Variants in PKHD1 observed in about 807,000 individuals in gnomAD.
The protein encoded by PKHD1 is PKHD1 ciliary IPT domain containing fibrocystin/polyductin.
In PKHD1, 291 loss-of-function variants were observed where a neutral mutation model predicts 412.0. The observed-to-expected ratio is 0.71, with a 90% CI of 0.64 to 0.78. The LOEUF (loss-of-function observed/expected upper bound fraction) is 0.78. PKHD1 is among the 30% of genes least tolerant of loss of function. PKHD1 has a pLI of 0.00. For synonymous variants in PKHD1, 1,777 were observed against 1,821.5 expected (o/e 0.98, Z 0.62); for missense variants, 4,825 against 4,950.7 (o/e 0.97, Z 0.76).
Position 52,062,556 on chromosome 6 carries a change from G to T in PKHD1, c.1081C>A (p.Pro361Thr). The T allele has an allele frequency of 2.5e-6, 4 of 1,614,092 alleles. No homozygotes were observed. Among genetic ancestry groups the T allele is most frequent in the Non-Finnish European group, 3.4e-6 (4 of 1,179,984 alleles). The change falls in exon 14 of 67, where the codon CCA becomes ACA. Residue 361 changes from proline (P) to threonine (T), a missense_variant. By Grantham distance (38) the Pro-to-Thr change is conservative. Coordinates refer to ENST00000371117, the MANE Select transcript of PKHD1 (RefSeq NM_138694.4). ...RWQIVPNASSPFGFWSQEGQP... is the reference protein window; with the variant it reads ...RWQIVPNASSTFGFWSQEGQP... ...CCTTCCTGTGACCAAAACCCAAATG[G>T]AGAACTGGCATTAGGGACAATCTGC...
intron 36 of PKHD1, among the ~76,000 whole-genome samples, chr6:51,943,923 C>T (rs1455380899): frequency 6.6e-6 from 1 of 151,284 alleles, no homozygotes; most frequent in Non-Finnish European, 1.5e-5. Flanking sequence ...AAATTTTCAC[C>T]ATCCCAACAC....
chr6:51,701,026 C>T lies in PKHD1; in HGVS notation c.10157-41057G>A, dbSNP rs150284825. ...ATTTAGGAAGGATTCACAATAGAAC[C>T]CACCTTATCCTGGCAGCTGAAAATG... On this transcript the variant is annotated intron_variant, in intron 60 of 66. Transcript: ENST00000371117. 9.6e-3 allele frequency among the ~76,000 whole-genome samples: 1,456 copies of T among 152,092 alleles called. 21 individuals carry two copies. The highest frequency in any genetic ancestry group is 0.033 in the African/African-American group (1,372 of 41,516).
At chr6:51,925,843 A>T (rs1387894973) in intron 37 of PKHD1, among the ~76,000 whole-genome samples, 1 of 151,734 alleles carries the variant, frequency 6.6e-6, no homozygotes, top group East Asian at 1.9e-4. Flanking sequence ...TCTCTCTCTC[A>T]AATGGCTTAT....
At chr6:51,640,762 G>A (rs549444361) in intron 63 of PKHD1, among the ~76,000 whole-genome samples, 2 of 152,246 alleles carry the variant, frequency 1.3e-5, no homozygotes, top group Non-Finnish European at 2.9e-5. Context: ...TTAATGTTGA[G>A]ATGTTATCTT....
At chr6:51,721,905 T>C in intron 60 of PKHD1, 1 of 1,608,246 alleles carries the variant, frequency 6.2e-7, no homozygotes, top group Non-Finnish European at 8.5e-7. Context: ...TTCCATTTGG[T>C]CCATGCTCCA....
intron 66 of PKHD1, chr6:51,621,724 C>G (rs1581711403): frequency 6.6e-6 from 1 of 152,324 alleles, no homozygotes; most frequent in East Asian, 1.9e-4. Context: ...AGAGGCTGGC[C>G]ACCTCCTACT....
At chr6:51,929,900 G>A (rs1786306435) in intron 37 of PKHD1, among the ~76,000 whole-genome samples, 1 of 152,156 alleles carries the variant, frequency 6.6e-6, no homozygotes, top group Non-Finnish European at 1.5e-5. Flanking sequence ...GTCCAGCCAA[G>A]GCCATGAGAC....
chr6:51,640,485 C>T (rs866686450), intron 63 of PKHD1, among the ~76,000 whole-genome samples: 16 of 152,154 alleles, frequency 1.1e-4, no homozygotes, highest in Non-Finnish European at 1.2e-4. Flanking sequence ...TTCATCATAT[C>T]TTCAGAATAG....
chr6:52,067,052 G>A (rs1416397490), intron 11 of PKHD1, among the ~76,000 whole-genome samples: 1 of 152,182 alleles, frequency 6.6e-6, no homozygotes, highest in Non-Finnish European at 1.5e-5. Flanking sequence ...AAGAGGAGTT[G>A]CATTTTGTGT....
chr6:51,806,474 A>G (rs1763804377), intron 52 of PKHD1, among the ~76,000 whole-genome samples: 1 of 152,124 alleles, frequency 6.6e-6, no homozygotes, highest in African/African-American at 2.4e-5. Flanking sequence ...AGAGAGCAAG[A>G]ATAGAGGATT....
chr6:51,804,636 A>G (rs2151349239), intron 52 of PKHD1, among the ~76,000 whole-genome samples: 1 of 152,286 alleles, frequency 6.6e-6, no homozygotes, highest in South Asian at 2.1e-4. Flanking sequence ...AATTGGTAAG[A>G]AGAAAAATAC....
At chr6:52,034,456 G>C (rs1044048764) in intron 28 of PKHD1, among the ~76,000 whole-genome samples, 1 of 151,738 alleles carries the variant, frequency 6.6e-6, no homozygotes, top group East Asian at 1.9e-4. Flanking sequence ...TATGTTCTCT[G>C]GTAAAAGAAA....
intron 35 of PKHD1, among the ~76,000 whole-genome samples, chr6:51,986,379 T>C (rs775152993): frequency 6.6e-6 from 1 of 152,190 alleles, no homozygotes; most frequent in Admixed American, 6.5e-5. Flanking sequence ...AATTTTGTTA[T>C]CTTGTCAGTT....
intron 20 of PKHD1, among the ~76,000 whole-genome samples, chr6:52,053,805 A>T (rs887085751): frequency 5.3e-5 from 8 of 152,218 alleles, no homozygotes; most frequent in African/African-American, 1.7e-4. Flanking sequence ...ACGCTGTTCT[A>T]CAATTCTATC....
rs539134841 is a variant in PKHD1, at chr6:51,729,274, G to A, written c.10156+15111C>T. Among the ~76,000 whole-genome samples, 14 of 152,328 alleles carry A rather than the reference G, an allele frequency of 9.2e-5. No homozygotes were observed. The South Asian group carries it at 2.9e-3, about 32-fold the overall frequency. ...GAAGTCCTTAATTCTGTAGTAGAAA[G>A]ATTGGCTTCTAGGTCTAGGAAAATT... On this transcript the variant is annotated intron_variant, in intron 60 of 66. Coordinates refer to ENST00000371117, the MANE Select transcript of PKHD1 (RefSeq NM_138694.4).
At chr6:51,981,333 C>T (rs1282321789) in intron 35 of PKHD1, among the ~76,000 whole-genome samples, 2 of 51,890 alleles carry the variant, frequency 3.9e-5, no homozygotes, top group Non-Finnish European at 5.0e-5. Context: ...CTCTCCCTCT[C>T]CCTCTCCCTC....
At chr6:51,694,257 T>C (rs1423134609) in intron 60 of PKHD1, among the ~76,000 whole-genome samples, 3 of 152,154 alleles carry the variant, frequency 2.0e-5, no homozygotes, top group South Asian at 4.1e-4. Flanking sequence ...GGTCTCATCC[T>C]GGATAATCTA....
intron 54 of PKHD1, among the ~76,000 whole-genome samples, chr6:51,774,281 C>A (rs988864179): frequency 3.3e-5 from 5 of 151,938 alleles, no homozygotes; most frequent in Non-Finnish European, 7.4e-5. Flanking sequence ...TATGATACTA[C>A]AAAAATTTGA....
Position 52,083,172 on chromosome 6 carries a change from AC to A in PKHD1, c.130+5del. 6.3e-7 allele frequency: 1 copy of A among 1,583,716 alleles called. No homozygotes were observed. Among genetic ancestry groups the A allele is most frequent in the Non-Finnish European group, 8.7e-7 (1 of 1,152,452 alleles). On this transcript the variant is annotated splice_donor_5th_base_variant and intron_variant, in intron 3 of 66. Coordinates refer to ENST00000371117, the MANE Select transcript of PKHD1 (RefSeq NM_138694.4). ...GAAATGTGCACTTGGTAAAACCCCA[AC>A]CTACCATCAAAAATGACTGTGATCC...
Sources: allele counts gnomAD v4.1 joint callset (sites outside exome capture counted in the v4.1 genomes callset), GRCh38; gene constraint gnomAD v4.1.1; transcripts MANE v1.5; gene names NCBI Gene and HGNC (gene_info 2026-07-23, HGNC 2026-07-21).